The following INSL6 variants were observed in gnomAD, a reference collection of about 807,000 sequenced individuals.
INSL6 encodes the protein insulin like 6.
A neutral mutation model predicts 9.4 loss-of-function variants in INSL6; 16 were observed. The observed-to-expected ratio is 1.70, with a 90% confidence interval of 1.15 to 2.59. The LOEUF (loss-of-function observed/expected upper bound fraction) is 2.59, where lower values mean the gene tolerates loss of function less well. Among genes scored for constraint, INSL6 ranks in the 30% most tolerant of loss-of-function variants. The pLI, the probability that INSL6 is intolerant of heterozygous loss-of-function variation, is 0.00. For missense variants in INSL6, 391 were observed against 257.3 expected (o/e 1.52, Z -3.56); for synonymous variants, 154 against 96.9 (o/e 1.59, Z -3.46).
At chr9:5,112,337 T>G in the INSL6 span, 1 of 323,968 alleles carries the variant, frequency 3.1e-6, no homozygotes. Flanking sequence ...CGACCTCTCT[T>G]GGCCTTCCGA....
chr9:5,073,430 G>A, the INSL6 span, among the ~76,000 whole-genome samples: 1 of 152,110 alleles, frequency 6.6e-6, no homozygotes, highest in Admixed American at 6.6e-5. Context: ...TATGGGTCAA[G>A]CCTGTTTGAC....
At chr9:5,086,679 CCTTA>C in the INSL6 span, among the ~76,000 whole-genome samples, 2 of 152,124 alleles carry the variant, frequency 1.3e-5, no homozygotes, top group African/African-American at 2.4e-5. Context: ...CATGTAATAA[CCTTA>C]CTTAGAAAAT....
At chr9:5,151,131 CAGTGTACACT>C (rs1445209626) in intron 2 of INSL6, among the ~76,000 whole-genome samples, 1 of 152,068 alleles carries the variant, frequency 6.6e-6, no homozygotes, top group Non-Finnish European at 1.5e-5. Flanking sequence ...CTAATGGGTA[CAGTGTACACT>C]ATTCATGTGA....
the INSL6 span, among the ~76,000 whole-genome samples, chr9:5,074,659 A>G: frequency 6.6e-6 from 1 of 152,216 alleles, no homozygotes; most frequent in Non-Finnish European, 1.5e-5. Flanking sequence ...TCCCTGAGAC[A>G]ACAATATTAA....
intron 1 of INSL6, among the ~76,000 whole-genome samples, chr9:5,178,814 T>C (rs1052324888): frequency 3.3e-5 from 5 of 152,084 alleles, no homozygotes; most frequent in African/African-American, 1.2e-4. Context: ...AGCTGTAGGC[T>C]CAAAATTGAA....
At chr9:5,036,984 A>G in the INSL6 span, among the ~76,000 whole-genome samples, 1 of 152,252 alleles carries the variant, frequency 6.6e-6, no homozygotes, top group South Asian at 2.1e-4. Flanking sequence ...GCTAATATCC[A>G]GAATATACAA....
chr9:5,039,089 T>A, the INSL6 span, among the ~76,000 whole-genome samples: 1 of 152,142 alleles, frequency 6.6e-6, no homozygotes, highest in Non-Finnish European at 1.5e-5. Flanking sequence ...TTCCCTATGA[T>A]CAGGAATGAG....
chr9:5,140,021 G>GA (rs931797186), intron 2 of INSL6, among the ~76,000 whole-genome samples: 14 of 152,048 alleles, frequency 9.2e-5, no homozygotes, highest in Non-Finnish European at 1.9e-4. Context: ...AAATAACTGG[G>GA]AAAAAACCCA....
intron 1 of INSL6, among the ~76,000 whole-genome samples, chr9:5,179,554 T>C (rs564782715): frequency 3.9e-5 from 6 of 152,280 alleles, no homozygotes; most frequent in East Asian, 1.9e-4. Flanking sequence ...CATATGTTCA[T>C]TGCAGCACTA....
At chr9:5,104,364 G>A in the INSL6 span, among the ~76,000 whole-genome samples, 2 of 152,148 alleles carry the variant, frequency 1.3e-5, no homozygotes, top group African/African-American at 2.4e-5. Context: ...ACTAAACCAG[G>A]AAGAAGTTGA....
At chr9:5,100,002 A>G in the INSL6 span, 11 of 152,198 alleles carry the variant, frequency 7.2e-5, no homozygotes, top group African/African-American at 1.9e-4. Context: ...CCATTAGCCT[A>G]TTTATTCAAC....
the INSL6 span, among the ~76,000 whole-genome samples, chr9:5,096,349 C>T: frequency 6.6e-6 from 1 of 152,146 alleles, no homozygotes; most frequent in Non-Finnish European, 1.5e-5. Flanking sequence ...CCAAGGACTG[C>T]AAAACTCTAT....
the INSL6 span, among the ~76,000 whole-genome samples, chr9:5,071,986 C>T: frequency 1.3e-5 from 2 of 152,124 alleles, no homozygotes; most frequent in Non-Finnish European, 2.9e-5. Context: ...TATTTATTCA[C>T]TTATTGATCA....
At chr9:5,104,994 G>A in the INSL6 span, among the ~76,000 whole-genome samples, 2 of 152,150 alleles carry the variant, frequency 1.3e-5, no homozygotes, top group Non-Finnish European at 2.9e-5. Context: ...TTTGAAAACT[G>A]GCAAAAGACA....
At chr9:5,154,709 A>C (rs920449403) in intron 2 of INSL6, among the ~76,000 whole-genome samples, 3 of 152,224 alleles carry the variant, frequency 2.0e-5, no homozygotes, top group African/African-American at 7.2e-5. Context: ...ATGCAGCCAA[A>C]AGACACATGA....
the INSL6 span, among the ~76,000 whole-genome samples, chr9:5,084,501 T>C: frequency 6.6e-6 from 1 of 152,168 alleles, no homozygotes; most frequent in African/African-American, 2.4e-5. Context: ...TTAAAATTAT[T>C]TTCATATGTT....
At chr9:5,170,225 A>T (rs1215410474) in intron 1 of INSL6, among the ~76,000 whole-genome samples, 1 of 152,216 alleles carries the variant, frequency 6.6e-6, no homozygotes, top group Non-Finnish European at 1.5e-5. Context: ...AGTACATGGA[A>T]ATTCAACAAC....
chr9:5,040,462 C>G, the INSL6 span, among the ~76,000 whole-genome samples: 3 of 152,172 alleles, frequency 2.0e-5, no homozygotes, highest in Admixed American at 2.0e-4. Flanking sequence ...TAGGCTTTAT[C>G]AAAGTTAAAA....
the INSL6 span, among the ~76,000 whole-genome samples, chr9:5,083,229 A>G: frequency 3.9e-5 from 6 of 152,168 alleles, no homozygotes; most frequent in Non-Finnish European, 8.8e-5. Context: ...CTTAGGGTCT[A>G]GGATTTTGAC....
Sources: allele counts gnomAD v4.1 joint callset (sites outside exome capture counted in the v4.1 genomes callset), GRCh38; gene constraint gnomAD v4.1.1; transcripts MANE v1.5; gene names NCBI Gene and HGNC (gene_info 2026-07-23, HGNC 2026-07-21).